The following CASKIN2 variants were observed in gnomAD, a reference collection of about 807,000 sequenced individuals.
CASKIN2 encodes the protein CASK interacting protein 2.
CASKIN2 carries 41 observed loss-of-function variants against 107.1 expected under a neutral mutation model. The observed-to-expected ratio is 0.38, with a 90% confidence interval of 0.30 to 0.50. CASKIN2 has a LOEUF of 0.50. Ranked by LOEUF, CASKIN2 falls within the 20% of genes least tolerant of loss-of-function variation. The pLI is 0.92. For synonymous variants in CASKIN2, 724 were observed against 705.6 expected (o/e 1.03, Z -0.41); for missense variants, 1,546 against 1,657.4 (o/e 0.93, Z 1.17).
At position 75,503,647 on chromosome 17, in the gene CASKIN2, T is replaced by C. The variant is rs559389644; in HGVS notation, c.1680+12A>G. On this transcript the variant is annotated intron_variant, in intron 16 of 19. Transcript: ENST00000321617. ...CACGTGCCCCACTCCCCAGCCACCC[T>C]TGATGGCTCACTGGGATGTAGCTGG... 2.0e-5 allele frequency: 32 copies of C among 1,610,754 alleles called. No homozygotes were observed. The African/African-American group carries it at 3.6e-4, about 18-fold the overall frequency.
Position 75,501,546 on chromosome 17 carries a change from C to A in CASKIN2, c.3440G>T (p.Arg1147Ile). 1 of 1,612,448 alleles carries A rather than the reference C, an allele frequency of 6.2e-7. No homozygotes were observed. Among genetic ancestry groups the A allele is most frequent in the Non-Finnish European group, 8.5e-7 (1 of 1,179,578 alleles). The change falls in exon 19 of 20, where the codon AGA (arginine) becomes ATA (isoleucine). Residue 1147 changes from arginine (R) to isoleucine (I), a missense_variant. Arg to Ile is a moderately conservative substitution (Grantham distance 97). Coordinates refer to ENST00000321617, the MANE Select transcript of CASKIN2 (RefSeq NM_020753.5). ...GTVGPGQAQQ[R>I]LEQTSSSLAA... ...CAGGGACGAGCTGGTCTGCTCCAGT[C>A]TCTGCTGGGCCTGGCCTGGGCCCAC...
At chr17:75,508,314 C>T (rs780720868) in intron 2 of CASKIN2, 29 bp from the exon 3 acceptor site, 1 of 1,610,218 alleles carries the variant, frequency 6.2e-7, no homozygotes, top group East Asian at 2.2e-5. Flanking sequence ...GGTGTCAGGG[C>T]CATCAGATGA....
rs752086151 is a variant in CASKIN2 at position 75,513,699 on chromosome 17, C to T, written c.94+12G>A. ...CGGCCTCAGCGGGATGCTCGTCCCA[C>T]CCGGTACTCACTTGTCTTTGTGGCC... On this transcript the variant is annotated intron_variant, in intron 2 of 19. Transcript: ENST00000321617. 6.1e-5 allele frequency: 99 copies of T among 1,612,784 alleles called. No individual in the cohort carries two copies. The highest frequency in any genetic ancestry group is 7.9e-5 in the Non-Finnish European group (93 of 1,179,286).
Position 75,502,461 on chromosome 17 carries a change from C to T in CASKIN2, c.2613G>A (p.Pro871=), listed in dbSNP as rs769408820. ...LRARRKGPPP[P]PPKRLSSVSG... ...AGACGGAGCTGAGGCGCTTGGGGGG[C>T]GGGGGCGGGGGGCCTTTGCGCCGGG... Residue 871 remains proline (P), a synonymous_variant, in exon 18 of 20, where the codon CCG becomes CCA. Coordinates refer to ENST00000321617, the MANE Select transcript of CASKIN2 (RefSeq NM_020753.5). This position sits in a 1 kb window ranked among gnomAD's most constrained non-coding sequence, Gnocchi z 4.3. 2.0e-4 allele frequency: 204 copies of T among 1,015,544 alleles called. No individual in the cohort carries two copies. Among genetic ancestry groups the T allele is most frequent in the African/African-American group, 4.6e-4 (10 of 21,832 alleles). 62.9% of individuals were successfully genotyped at this position (1,015,544 alleles called of 1,614,324 possible).
chr17:75,502,704 G>A lies in CASKIN2; in HGVS notation c.2370C>T (p.Asp790=), dbSNP rs759803671. The A allele has an allele frequency of 6.3e-6, 10 of 1,590,316 alleles. No homozygotes were observed. In the South Asian group the frequency reaches 9.0e-5, roughly 14 times the overall value. ...YLAGPPATPP[D]PPRPKRRSHS... ...GGGACCGGCGCTTAGGTCGAGGCGG[G>A]TCTGGGGGAGTGGCAGGGGGCCCGG... The change falls in exon 18 of 20, where the codon GAC becomes GAT. Residue 790 remains aspartate, a synonymous_variant. Transcript: ENST00000321617. This position sits in a 1 kb window ranked among gnomAD's most constrained non-coding sequence, Gnocchi z 4.3.
intron 19 of CASKIN2, 48 bp downstream of exon 19, chr17:75,501,420 C>G: frequency 2.6e-6 from 4 of 1,552,464 alleles, no homozygotes; most frequent in Non-Finnish European, 3.5e-6. Flanking sequence ...ATGCAGGGAG[C>G]ACTGTTTCTC....
rs747817913 is a variant in CASKIN2 at position 75,508,321 on chromosome 17, A to T, written c.95-36T>A. On this transcript the variant is annotated intron_variant, in intron 2 of 19. Transcript: ENST00000321617. Reference sequence around the variant, plus strand: ...GGATAGGAGGTGTCAGGGCCATCAGATGACTGCCCTCACTCAGCATCCCTC... The same window carrying T: ...GGATAGGAGGTGTCAGGGCCATCAGTTGACTGCCCTCACTCAGCATCCCTC... 3.1e-6 allele frequency: 5 copies of T among 1,607,272 alleles called. No individual in the cohort carries two copies. The Admixed American group carries it at 8.4e-5, about 27-fold the overall frequency.
In CASKIN2 at chr17:75,513,841, A is replaced by T; in HGVS notation, c.-37T>A. On this transcript the variant is annotated 5_prime_UTR_variant, in exon 2 of 20. Coordinates refer to ENST00000321617, the MANE Select transcript of CASKIN2 (RefSeq NM_020753.5). ...GGCTGAGCTCTACACTCAGGAGTCC[A>T]GGGCAAAGGCAGGCAACGGGTCCAA... The T allele has an allele frequency of 6.3e-7, 1 of 1,594,698 alleles. No individual in the cohort carries two copies.
In CASKIN2 at chr17:75,505,729, C is replaced by A; in HGVS notation, c.836-78G>T. The A allele has an allele frequency of 1.9e-6, 3 of 1,559,860 alleles. No homozygotes were observed. Among genetic ancestry groups the A allele is most frequent in the Non-Finnish European group, 2.6e-6 (3 of 1,137,510 alleles). On this transcript the variant is annotated intron_variant, in intron 9 of 19. Transcript: ENST00000321617. The surrounding 1 kb of genome is among the most constrained non-coding windows in gnomAD (Gnocchi z 5.1). ...TCCCACCCCTCATGCCCTTGACAACCCTCCCCCAGGGACGTCCACTCCCCC... is the reference window on the plus strand; with the variant it reads ...TCCCACCCCTCATGCCCTTGACAACACTCCCCCAGGGACGTCCACTCCCCC...
intron 3 of CASKIN2, 41 bp downstream of exon 3, chr17:75,508,193 C>T (rs375998702): frequency 8.9e-5 from 143 of 1,610,222 alleles, no homozygotes; most frequent in Non-Finnish European, 1.1e-4. Flanking sequence ...TCTACTGCCC[C>T]CACCCAGCAG....
rs1483646904 is a variant in CASKIN2, at chr17:75,503,273, G to A, written c.1820-19C>T. Reference sequence around the variant, plus strand: ...TGATGCCCTGAGATGGGGGACGGAAGTGGCAAGGTTAGCTGGGGCTGGGGT... The same window carrying A: ...TGATGCCCTGAGATGGGGGACGGAAATGGCAAGGTTAGCTGGGGCTGGGGT... On this transcript the variant is annotated intron_variant, in intron 17 of 19. Transcript: ENST00000321617. 1.3e-6 allele frequency: 2 copies of A among 1,577,198 alleles called. No individual in the cohort carries two copies. The highest frequency in any genetic ancestry group is 8.6e-7 in the Non-Finnish European group (1 of 1,161,244).
At position 75,501,648 on chromosome 17, in the gene CASKIN2, G is replaced by T; in HGVS notation, c.3338C>A (p.Ala1113Glu). ...KPVSVACTQL[A>E]FSGPKLAPRL... ...GGGCGCTAGCTTAGGGCCAGAAAAT[G>T]CCAGCTGGGTGCAGGCCACCGACAC... The change falls in exon 19 of 20, where the codon GCA (alanine) becomes GAA (glutamate). Residue 1113 changes from alanine to glutamate, a missense_variant. By Grantham distance (107) the Ala-to-Glu change is moderately radical. This residue lies in a region of CASKIN2 where 1,311 missense variants were observed against 1,311.0 expected (regional missense o/e 1.00). Coordinates refer to ENST00000321617, the MANE Select transcript of CASKIN2 (RefSeq NM_020753.5). The T allele has an allele frequency of 6.3e-7, 1 of 1,592,310 alleles. No individual in the cohort carries two copies. The highest frequency in any genetic ancestry group is 1.7e-5 in the Admixed American group (1 of 59,256).
At chr17:75,501,739 C>T (rs770077901) in intron 18 of CASKIN2, 40 bp downstream of exon 18, 4 of 1,532,520 alleles carry the variant, frequency 2.6e-6, no homozygotes, top group Non-Finnish European at 3.5e-6. Context: ...TCAGACACAA[C>T]CCTGCCAGCA....
Position 75,504,292 on chromosome 17 carries a change from G to A in CASKIN2, c.1390C>T (p.Arg464Cys), listed in dbSNP as rs371781299. ...PPSLADNLSHRPLANCRSGEQ... is the reference protein window; with the variant it reads ...PPSLADNLSHCPLANCRSGEQ... Reference sequence around the variant, plus strand: ...CCAGAGCGGCAGTTGGCCAGAGGGCGGTGGCTCAGGTTGTCTTCAAGGAGA... The same window carrying A: ...CCAGAGCGGCAGTTGGCCAGAGGGCAGTGGCTCAGGTTGTCTTCAAGGAGA... The change falls in exon 14 of 20, where the codon CGC (arginine) becomes TGC (cysteine). Residue 464 changes from arginine (R) to cysteine (C), a missense_variant. Arg to Cys is a radical substitution (Grantham distance 180). This residue lies in a region of CASKIN2 where 1,311 missense variants were observed against 1,311.0 expected (regional missense o/e 1.00). Coordinates refer to ENST00000321617, the MANE Select transcript of CASKIN2 (RefSeq NM_020753.5). 7 of 1,607,464 alleles carry A rather than the reference G, an allele frequency of 4.4e-6. No homozygotes were observed. Among genetic ancestry groups the A allele is most frequent in the African/African-American group, 2.7e-5 (2 of 74,780 alleles).
At chr17:75,509,953 T>C (rs1339669917) in intron 2 of CASKIN2, 3 of 984,282 alleles carry the variant, frequency 3.0e-6, no homozygotes, top group Non-Finnish European at 3.6e-6. Flanking sequence ...TTCAGAACAA[T>C]AGCCGGAAAG....
Position 75,507,046 on chromosome 17 carries a change from C to T in CASKIN2, c.328G>A (p.Ala110Thr), listed in dbSNP as rs1248096355. 6.2e-7 allele frequency: 1 copy of T among 1,612,738 alleles called. No homozygotes were observed. The highest frequency in any genetic ancestry group is 8.5e-7 in the Non-Finnish European group (1 of 1,179,898). Residue 110 changes from alanine (A) to threonine (T), a missense_variant, in exon 5 of 20, where the codon GCC becomes ACC. Transcript: ENST00000321617. ...LLLRASAAVN[A>T]ASLDGQIPLH... ...GGGATCTGTCCGTCCAGCGAGGCGG[C>T]ATTGACAGCCGCAGAGGCGCGCAGC...
rs759501789 is a variant in CASKIN2 at position 75,503,203 on chromosome 17, C to T, written c.1871G>A (p.Arg624Gln). The T allele has an allele frequency of 7.5e-6, 12 of 1,596,324 alleles. No individual in the cohort carries two copies. The highest frequency in any genetic ancestry group is 1.0e-5 in the Non-Finnish European group (12 of 1,174,206). Residue 624 changes from arginine to glutamine, a missense_variant, in exon 18 of 20, where the codon CGG (arginine) becomes CAG (glutamine). By Grantham distance (43) the Arg-to-Gln change is conservative. Coordinates refer to ENST00000321617, the MANE Select transcript of CASKIN2 (RefSeq NM_020753.5). ...LGVKRLAELR[R>Q]GLLQGEALSE... ...GAGGGCCTCCCCCTGCAGCAGGCCC[C>T]GCCGAAGCTCCGCCAGCCGCTTCAC...
chr17:75,506,603 A>C lies in CASKIN2; in HGVS notation c.597T>G (p.Asn199Lys), dbSNP rs1219364412. ...GGTACCTGATGACTTCTCTGTGGCC[A>C]TTCTTGGCAGCCAAGTGCAGGGGCG... is the stretch of plus-strand genomic sequence containing the variant. ...YTTPLHLAAK[N>K]GHREVIRQLL... is the part of the protein sequence containing the mutation. The change falls in exon 7 of 20, where the codon AAT (asparagine) becomes AAG (lysine). Residue 199 changes from asparagine (N) to lysine (K), a missense_variant. This residue lies in a region of CASKIN2 where 3 missense variants were observed against 17.3 expected (regional missense o/e 0.17). Transcript: ENST00000321617. This position sits in a 1 kb window ranked among gnomAD's most constrained non-coding sequence, Gnocchi z 4.8. 8 of 1,613,316 alleles carry C rather than the reference A, an allele frequency of 5.0e-6. No homozygotes were observed. The highest frequency in any genetic ancestry group is 6.8e-6 in the Non-Finnish European group (8 of 1,179,952).
In CASKIN2 at chr17:75,507,572, T is replaced by TG; in HGVS notation, c.244+11dup. 6.2e-7 allele frequency: 1 copy of TG among 1,605,816 alleles called. No homozygotes were observed. The highest frequency in any genetic ancestry group is 2.2e-5 in the East Asian group (1 of 44,658). The stretch of plus-strand genomic sequence containing the variant: ...GCCCAGGGTGGGGGTCGGGGGCACA[T>TG]GGGGGTCTCACCATTGCTGTCCTTG... On this transcript the variant is annotated intron_variant, in intron 4 of 19. Coordinates refer to ENST00000321617, the MANE Select transcript of CASKIN2 (RefSeq NM_020753.5).
Sources: allele counts gnomAD v4.1 joint callset, GRCh38; gene constraint gnomAD v4.1.1; regional missense constraint gnomAD v4.1.1; non-coding constraint Gnocchi (gnomAD v3.1); transcripts MANE v1.5; gene names NCBI Gene and HGNC (gene_info 2026-07-23, HGNC 2026-07-21).